WWP2: variants seen among roughly 807,000 people sequenced by gnomAD.
WWP2 encodes WW domain containing E3 ubiquitin protein ligase 2, also known as NEDD4-like E3 ubiquitin-protein ligase WWP2.
A neutral mutation model predicts 121.0 loss-of-function variants in WWP2; 57 were observed. The ratio of observed to expected loss-of-function variants is 0.47; its 90% CI spans 0.38 to 0.59. The LOEUF is 0.59. Ranked by LOEUF, WWP2 falls within the 20% of genes least tolerant of loss-of-function variation. WWP2 has a pLI of 0.00. For missense variants in WWP2, 962 were observed against 1,158.9 expected, an observed-to-expected ratio of 0.83 and a Z score of 2.47; for synonymous variants, 449 against 441.3, an observed-to-expected ratio of 1.02 and a Z score of -0.22.
intron 4 of WWP2, chr16:69,828,069 C>CT (rs576830178): frequency 3.3e-3 from 1,007 of 309,646 alleles, no homozygotes; most frequent in South Asian, 5.5e-3. Context: ...TGCATATGTA[C>CT]TTTTTTTTTT....
intron 10 of WWP2, among the ~76,000 whole-genome samples, chr16:69,923,600 A>G (rs760345617): frequency 6.6e-6 from 1 of 152,248 alleles, no homozygotes; most frequent in Non-Finnish European, 1.5e-5. Context: ...CTGATTTCCC[A>G]GGAGAACCCT....
chr16:69,880,271 GA>G (rs1378782127), intron 7 of WWP2, among the ~76,000 whole-genome samples: 4 of 148,172 alleles, frequency 2.7e-5, no homozygotes, highest in African/African-American at 5.2e-5. Context: ...TTTTTACTGT[GA>G]TTTTTTTTTT....
Position 69,762,399 on chromosome 16 carries a change from G to T in WWP2, c.-16+8G>T, listed in dbSNP as rs1452074409. 6.7e-6 allele frequency: 1 copy of T among 150,164 alleles called. No individual in the cohort carries two copies. The highest frequency in any genetic ancestry group is 1.5e-5 in the Non-Finnish European group (1 of 67,230). The allele number at this position is 150,164 out of a possible 1,614,324, so 9.3% of individuals were successfully genotyped here. ...CTTCTGTGGCCACGGCAGGTAGCGAGCGCTGGCGCGGGGGGCGCGGTGGGC... is the reference window on the plus strand; with the variant it reads ...CTTCTGTGGCCACGGCAGGTAGCGATCGCTGGCGCGGGGGGCGCGGTGGGC... On this transcript the variant is annotated splice_region_variant and intron_variant, in intron 1 of 23. Transcript: ENST00000359154.
intron 8 of WWP2, among the ~76,000 whole-genome samples, chr16:69,906,351 T>C (rs147467991): frequency 0.056 from 8,461 of 152,196 alleles, 806 homozygotes; most frequent in African/African-American, 0.19. Flanking sequence ...GGATTACAGG[T>C]GTCAGCCACC....
intron 6 of WWP2, among the ~76,000 whole-genome samples, chr16:69,852,709 G>A (rs1037065889): frequency 3.9e-5 from 6 of 152,030 alleles, no homozygotes; most frequent in African/African-American, 1.4e-4. Flanking sequence ...AGCATTTTTT[G>A]TATATTTTGG....
chr16:69,784,091 C>CTTTTTTTT (rs61650147), intron 1 of WWP2, among the ~76,000 whole-genome samples: 99 of 60,852 alleles, frequency 1.6e-3, no homozygotes, highest in East Asian at 3.8e-3. Flanking sequence ...TTCTTTCTTT[C>CTTTTTTTT]TTTTTTTTTT....
intron 1 of WWP2, among the ~76,000 whole-genome samples, chr16:69,777,370 G>C (rs1286827299): frequency 1.3e-5 from 2 of 151,640 alleles, no homozygotes; most frequent in Non-Finnish European, 1.5e-5. Flanking sequence ...GTGCGGTCTT[G>C]GCTTATTGCA....
intron 1 of WWP2, among the ~76,000 whole-genome samples, chr16:69,764,623 G>C (rs1217831938): frequency 6.6e-6 from 1 of 152,174 alleles, no homozygotes; most frequent in Admixed American, 6.5e-5. Flanking sequence ...CTCTACCATA[G>C]CTTCCTCTTC....
intron 6 of WWP2, among the ~76,000 whole-genome samples, chr16:69,846,424 T>C (rs1225122941): frequency 1.3e-5 from 2 of 152,024 alleles, no homozygotes; most frequent in African/African-American, 2.4e-5. Flanking sequence ...AGTAAAACTA[T>C]AAAAAATGGA....
At chr16:69,791,206 CACTT>C (rs1415493912) in intron 2 of WWP2, among the ~76,000 whole-genome samples, 3 of 151,870 alleles carry the variant, frequency 2.0e-5, no homozygotes, top group Admixed American at 6.6e-5. Flanking sequence ...CAGCCACGCA[CACTT>C]ACTTCTTTTC....
intron 4 of WWP2, among the ~76,000 whole-genome samples, chr16:69,839,103 A>G (rs1442934909): frequency 7.3e-6 from 1 of 136,536 alleles, no homozygotes; most frequent in Non-Finnish European, 1.5e-5. Context: ...GACAGGTAAG[A>G]TAGCTTATAA....
At chr16:69,923,265 T>G (rs1242566513) in intron 10 of WWP2, among the ~76,000 whole-genome samples, 2 of 136,958 alleles carry the variant, frequency 1.5e-5, no homozygotes, top group African/African-American at 5.4e-5. Flanking sequence ...TGTCTCTCCC[T>G]TTCCTGTCTG....
rs374517424 is a variant in WWP2 at position 69,930,667 on chromosome 16, C to T, written c.1445+409C>T. ...TGAGCTATGATGGCACCACTGCACT[C>T]CAGCTCAGGTGACAGAGTGAGTCCC... On this transcript the variant is annotated intron_variant, in intron 13 of 23. Coordinates refer to ENST00000359154, the MANE Select transcript of WWP2 (RefSeq NM_001270454.2). Among the ~76,000 whole-genome samples, 5 of 152,158 alleles carry T rather than the reference C, an allele frequency of 3.3e-5. No homozygotes were observed. The South Asian group carries it at 8.3e-4, about 25-fold the overall frequency.
rs1402684742 is a variant in WWP2 at position 69,931,211 on chromosome 16, T to A, written c.1505T>A (p.Phe502Tyr). 6.2e-7 allele frequency: 1 copy of A among 1,614,142 alleles called. No homozygotes were observed. The highest frequency in any genetic ancestry group is 1.7e-5 in the Admixed American group (1 of 60,018). The change falls in exon 14 of 24, where the codon TTC becomes TAC. Residue 502 changes from phenylalanine (F) to tyrosine (Y), a missense_variant. Physicochemically the swap from Phe to Tyr is conservative, Grantham distance 22 (BLOSUM62 3). This residue lies in a region of WWP2 where 606 missense variants were observed against 772.6 expected (regional missense o/e 0.78). Coordinates refer to ENST00000359154, the MANE Select transcript of WWP2 (RefSeq NM_001270454.2). The stretch of plus-strand genomic sequence containing the variant: ...AGTTTTCGGTGGAAGTATCACCAGT[T>A]CCGTTTCCTCTGCCATGTGAGTTCT... ...DRSFRWKYHQ[F>Y]RFLCHSNALP...
intron 7 of WWP2, among the ~76,000 whole-genome samples, chr16:69,879,991 T>C (rs2057797537): frequency 6.6e-6 from 1 of 150,602 alleles, no homozygotes; most frequent in East Asian, 1.9e-4. Context: ...TAAAATGAGA[T>C]ACTTTTTTTT....
At chr16:69,933,446 A>G (rs960376751) in intron 16 of WWP2, among the ~76,000 whole-genome samples, 1 of 152,202 alleles carries the variant, frequency 6.6e-6, no homozygotes, top group Non-Finnish European at 1.5e-5. Flanking sequence ...TCTCATCTGA[A>G]GGCAGCATGG....
At chr16:69,791,033 C>T (rs917957734) in intron 2 of WWP2, among the ~76,000 whole-genome samples, 1 of 151,722 alleles carries the variant, frequency 6.6e-6, no homozygotes, top group African/African-American at 2.4e-5. Context: ...TTGCTTCTGC[C>T]CTTTTGAGTA....
intron 1 of WWP2, among the ~76,000 whole-genome samples, chr16:69,769,599 G>A (rs1481892632): frequency 6.6e-6 from 1 of 152,142 alleles, no homozygotes; most frequent in Non-Finnish European, 1.5e-5. Flanking sequence ...TGAGGTGCTT[G>A]TAATGCCAGA....
chr16:69,812,477 C>CTT (rs1178666410), intron 4 of WWP2, among the ~76,000 whole-genome samples: 4 of 119,874 alleles, frequency 3.3e-5, no homozygotes, highest in African/African-American at 6.6e-5. Context: ...AACCCCCCCC[C>CTT]TTTTTTTTTT....
Sources: gnomAD v4.1 joint callset for allele counts (sites outside exome capture counted in the v4.1 genomes callset) on GRCh38, gnomAD v4.1.1 for gene constraint, gnomAD v4.1.1 regional missense constraint, MANE v1.5 for transcripts, NCBI Gene and HGNC (gene_info 2026-07-23, HGNC 2026-07-21) for gene names.